DLG2: variants seen among roughly 807,000 people sequenced by gnomAD.
The protein encoded by DLG2 is discs large MAGUK scaffold protein 2, also known as disks large homolog 2.
A neutral mutation model predicts 132.5 loss-of-function variants in DLG2; 45 were observed. The ratio of observed to expected loss-of-function variants is 0.34; its 90% CI spans 0.27 to 0.44. DLG2 has a LOEUF of 0.44. Ranked by LOEUF, DLG2 falls within the 20% of genes least tolerant of loss-of-function variation. The pLI is 1.00. For synonymous variants in DLG2, 424 were observed against 419.6 expected (o/e 1.01, Z -0.13); for missense variants, 1,045 against 1,196.9 (o/e 0.87, Z 1.87).
chr11:85,244,642 C>G (rs904204872), intron 4 of DLG2, among the ~76,000 whole-genome samples: 1 of 151,772 alleles, frequency 6.6e-6, no homozygotes, highest in Non-Finnish European at 1.5e-5. Context: ...ATTAATTACA[C>G]TAAAATGAAA....
intron 12 of DLG2, among the ~76,000 whole-genome samples, chr11:83,979,022 C>A (rs2092542541): frequency 6.6e-6 from 1 of 152,052 alleles, no homozygotes; most frequent in Non-Finnish European, 1.5e-5. Flanking sequence ...ATAAAATGTA[C>A]TGCTGTTAGA....
At chr11:85,173,716 C>G (rs754978775) in intron 4 of DLG2, among the ~76,000 whole-genome samples, 3 of 152,052 alleles carry the variant, frequency 2.0e-5, no homozygotes, top group Non-Finnish European at 2.9e-5. Flanking sequence ...GGCGTGCTGT[C>G]TTTAAGAGAC....
chr11:83,820,305 T>C (rs557139676), intron 17 of DLG2, among the ~76,000 whole-genome samples: 1 of 152,296 alleles, frequency 6.6e-6, no homozygotes, highest in African/African-American at 2.4e-5. Flanking sequence ...CACTTTGTAT[T>C]CTCTACTAAG....
intron 3 of DLG2, among the ~76,000 whole-genome samples, chr11:85,399,171 C>A (rs1017667058): frequency 6.6e-6 from 1 of 152,062 alleles, no homozygotes; most frequent in Non-Finnish European, 1.5e-5. Flanking sequence ...GAGTGAACTC[C>A]CATTCACAAT....
intron 8 of DLG2, among the ~76,000 whole-genome samples, chr11:84,202,983 G>A (rs2096616294): frequency 1.3e-5 from 2 of 152,146 alleles, no homozygotes; most frequent in East Asian, 3.9e-4. Context: ...ACAAGGTTAT[G>A]GAGAAAAAGG....
chr11:85,409,485 T>C (rs1399143705), intron 3 of DLG2, among the ~76,000 whole-genome samples: 2 of 151,938 alleles, frequency 1.3e-5, no homozygotes, highest in African/African-American at 2.4e-5. Flanking sequence ...GAGTATCATA[T>C]AATAATTGCT....
At chr11:83,864,502 A>T (rs1216517102) in intron 16 of DLG2, among the ~76,000 whole-genome samples, 1 of 152,204 alleles carries the variant, frequency 6.6e-6, no homozygotes, top group Admixed American at 6.6e-5. Flanking sequence ...ATCCTCTTTG[A>T]GCAGTCTAAT....
chr11:83,810,594 T>C (rs1419526588), intron 17 of DLG2, among the ~76,000 whole-genome samples: 1 of 152,120 alleles, frequency 6.6e-6, no homozygotes, highest in Non-Finnish European at 1.5e-5. Flanking sequence ...ACAAATATTG[T>C]ACAAGAGGAA....
At chr11:84,715,657 A>G (rs1026739464) in intron 6 of DLG2, among the ~76,000 whole-genome samples, 2 of 152,066 alleles carry the variant, frequency 1.3e-5, no homozygotes, top group African/African-American at 2.4e-5. Flanking sequence ...CATTTAGTTT[A>G]ATGTCCTCCA....
intron 4 of DLG2, among the ~76,000 whole-genome samples, chr11:85,268,944 C>T (rs933515453): frequency 6.6e-6 from 1 of 152,248 alleles, no homozygotes; most frequent in East Asian, 1.9e-4. Context: ...GTATATGCTG[C>T]TATTTCATGT....
intron 7 of DLG2, among the ~76,000 whole-genome samples, chr11:84,367,303 C>G (rs2098688063): frequency 6.6e-6 from 1 of 152,084 alleles, no homozygotes; most frequent in Non-Finnish European, 1.5e-5. Context: ...TTTGCAGTAA[C>G]TACTCAATTC....
At chr11:84,064,406 G>T (rs1490005150) in intron 10 of DLG2, among the ~76,000 whole-genome samples, 1 of 152,126 alleles carries the variant, frequency 6.6e-6, no homozygotes, top group Non-Finnish European at 1.5e-5. Context: ...CAGAACCTAA[G>T]AACATGGCTT....
intron 6 of DLG2, among the ~76,000 whole-genome samples, chr11:85,014,428 A>C (rs1037304945): frequency 2.6e-5 from 4 of 152,178 alleles, no homozygotes; most frequent in Admixed American, 1.3e-4. Flanking sequence ...CTTTCATCAG[A>C]AACTATACCA....
At chr11:84,614,450 C>T (rs529132583) in intron 6 of DLG2, among the ~76,000 whole-genome samples, 10 of 152,280 alleles carry the variant, frequency 6.6e-5, no homozygotes, top group African/African-American at 2.4e-4. Context: ...GAAGCTAGAC[C>T]ATGACTTGCC....
At chr11:84,604,489 A>C (rs2099582039) in intron 6 of DLG2, among the ~76,000 whole-genome samples, 1 of 151,984 alleles carries the variant, frequency 6.6e-6, no homozygotes, top group African/African-American at 2.4e-5. Context: ...CAACTACTGC[A>C]ATAGGTATCC....
chr11:85,235,120 C>A (rs2075514636), intron 4 of DLG2, among the ~76,000 whole-genome samples: 1 of 151,936 alleles, frequency 6.6e-6, no homozygotes, highest in African/African-American at 2.4e-5. Context: ...ATTTCAAAAT[C>A]AATATTGGCC....
At chr11:84,419,681 T>C (rs749291771) in intron 7 of DLG2, among the ~76,000 whole-genome samples, 1 of 152,186 alleles carries the variant, frequency 6.6e-6, no homozygotes, top group Non-Finnish European at 1.5e-5. Context: ...AGTGCAGATT[T>C]GCAGGGAAGG....
intron 6 of DLG2, among the ~76,000 whole-genome samples, chr11:85,003,646 T>C (rs1400561711): frequency 6.6e-6 from 1 of 152,206 alleles, no homozygotes; most frequent in African/African-American, 2.4e-5. Context: ...TGAGACCTTC[T>C]TTTGTTCAAC....
chr11:85,444,696 G>A (rs2091929725), intron 3 of DLG2, among the ~76,000 whole-genome samples: 1 of 152,090 alleles, frequency 6.6e-6, no homozygotes. Flanking sequence ...ATGTTCATGA[G>A]ACAGCTGGTG....
Sources: gnomAD v4.1 joint callset for allele counts (sites outside exome capture counted in the v4.1 genomes callset) on GRCh38, gnomAD v4.1.1 for gene constraint, MANE v1.5 for transcripts, NCBI Gene and HGNC (gene_info 2026-07-23, HGNC 2026-07-21) for gene names.